The following NOL10 variants were observed in gnomAD, a reference collection of about 807,000 sequenced individuals.
The protein encoded by NOL10 is H_NH0074G24.1.
In NOL10, 58 loss-of-function variants were observed where a neutral mutation model predicts 103.5. The observed-to-expected ratio is 0.56, with a 90% confidence interval of 0.45 to 0.70. NOL10 has a LOEUF of 0.70. NOL10 is among the 30% of genes least tolerant of loss of function. NOL10 has a pLI of 0.00. For missense variants in NOL10, 763 were observed against 807.3 expected, an observed-to-expected ratio of 0.95 and a Z score of 0.67; for synonymous variants, 287 against 282.5, an observed-to-expected ratio of 1.02 and a Z score of -0.16.
At chr2:10,593,859 T>C (rs1384652167) in intron 17 of NOL10, among the ~76,000 whole-genome samples, 1 of 152,118 alleles carries the variant, frequency 6.6e-6, no homozygotes, top group Non-Finnish European at 1.5e-5. Context: ...GGAATGCTGG[T>C]AGCCAGGCCT....
chr2:10,587,058 T>TATGTATAC (rs1675066623), intron 19 of NOL10, among the ~76,000 whole-genome samples: 1 of 41,340 alleles, frequency 2.4e-5, no homozygotes, highest in East Asian at 4.6e-4. Flanking sequence ...TATATATACA[T>TATGTATAC]ATATATATAC....
intron 12 of NOL10, among the ~76,000 whole-genome samples, chr2:10,652,196 C>T (rs913534427): frequency 8.0e-5 from 12 of 150,524 alleles, no homozygotes; most frequent in African/African-American, 2.2e-4. Context: ...GCTGAGATTG[C>T]GCCACTGCAC....
chr2:10,650,295 G>C (rs1399605700), intron 12 of NOL10, among the ~76,000 whole-genome samples: 1 of 57,762 alleles, frequency 1.7e-5, no homozygotes, highest in Non-Finnish European at 6.6e-5. Flanking sequence ...AGAGTATCTG[G>C]GACTACAGGC....
intron 17 of NOL10, among the ~76,000 whole-genome samples, chr2:10,594,054 T>G (rs578154000): frequency 1.3e-5 from 2 of 152,166 alleles, no homozygotes; most frequent in Non-Finnish European, 2.9e-5. Context: ...AAAATAACTA[T>G]GGATCATGGC....
intron 17 of NOL10, among the ~76,000 whole-genome samples, chr2:10,590,108 A>C (rs1012858206): frequency 6.6e-6 from 1 of 152,134 alleles, no homozygotes. Context: ...TAGGTTTTTA[A>C]AAAGTGGCTT....
chr2:10,669,891 A>AAATAAT (rs371037850), intron 6 of NOL10, among the ~76,000 whole-genome samples: 7 of 150,092 alleles, frequency 4.7e-5, no homozygotes, highest in African/African-American at 1.2e-4. Flanking sequence ...ACTCCATCTC[A>AAATAAT]AATAATAATA....
chr2:10,644,061 C>G (rs1244737368), intron 13 of NOL10, among the ~76,000 whole-genome samples: 2 of 152,102 alleles, frequency 1.3e-5, no homozygotes, highest in Non-Finnish European at 1.5e-5. Context: ...ACCACCCCAG[C>G]CAACATGGCA....
intron 17 of NOL10, among the ~76,000 whole-genome samples, chr2:10,599,421 C>T (rs1675862119): frequency 2.0e-5 from 3 of 152,172 alleles, no homozygotes; most frequent in Admixed American, 2.0e-4. Context: ...AGTGTGAATA[C>T]TCTGAGGAGA....
chr2:10,673,586 A>G, intron 4 of NOL10, 29 bp from the exon 5 acceptor site: 1 of 1,458,596 alleles, frequency 6.9e-7, no homozygotes, highest in Admixed American at 1.9e-5. Flanking sequence ...GAAAAATACA[A>G]TTATCAAACA....
At chr2:10,683,517 G>C (rs143304756) in intron 2 of NOL10, among the ~76,000 whole-genome samples, 36 of 152,282 alleles carry the variant, frequency 2.4e-4, no homozygotes, top group African/African-American at 7.9e-4. Flanking sequence ...TGTTAGGAGA[G>C]ACAGTCCTCC....
chr2:10,684,733 A>G (rs72777344), intron 1 of NOL10, 121 bp from the exon 2 acceptor site: 15,847 of 680,464 alleles, frequency 0.023, 257 homozygotes, highest in Non-Finnish European at 0.027. Context: ...ATAACATAGG[A>G]AGCAAAAAAT....
rs1674145359 is a variant in NOL10, at chr2:10,570,888, C to A, written c.*1183G>T. On this transcript the variant is annotated 3_prime_UTR_variant, in exon 21 of 21. Transcript: ENST00000381685. Reference sequence around the variant, plus strand: ...AACTTGTGCCAAGATTAACCAACAGCCTCTACTGCTTGTTTCCCATTATTA... The same window carrying A: ...AACTTGTGCCAAGATTAACCAACAGACTCTACTGCTTGTTTCCCATTATTA... The A allele has an allele frequency of 6.6e-6, 1 of 151,094 alleles. No homozygotes were observed. Among genetic ancestry groups the A allele is most frequent in the South Asian group, 2.1e-4 (1 of 4,810 alleles). 9.4% of individuals were successfully genotyped at this position (151,094 alleles called of 1,614,324 possible).
intron 13 of NOL10, among the ~76,000 whole-genome samples, chr2:10,639,424 TCAAA>T (rs1283605900): frequency 6.6e-6 from 1 of 152,094 alleles, no homozygotes; most frequent in East Asian, 1.9e-4. Flanking sequence ...TCCATCTAAA[TCAAA>T]CAGCTTCCCA....
intron 4 of NOL10, among the ~76,000 whole-genome samples, chr2:10,674,490 T>C (rs919198131): frequency 6.6e-6 from 1 of 152,172 alleles, no homozygotes; most frequent in Admixed American, 6.5e-5. Flanking sequence ...ATTGCTCCCA[T>C]GATTACATTA....
Position 10,673,576 on chromosome 2 carries a change from GA to G in NOL10, c.290-20del. 6.6e-7 allele frequency: 1 copy of G among 1,522,150 alleles called. No individual in the cohort carries two copies. The allele number at this position is 1,522,150 out of a possible 1,614,324, so 94.3% of individuals were successfully genotyped here. ...GTGACAACTGAAAAACAAGAAATAGGAAAAATACAATTATCAAACAATATTC... is the reference window on the plus strand; with the variant it reads ...GTGACAACTGAAAAACAAGAAATAGGAAAATACAATTATCAAACAATATTC... On this transcript the variant is annotated intron_variant, in intron 4 of 20. Coordinates refer to ENST00000381685, the MANE Select transcript of NOL10 (RefSeq NM_024894.4).
intron 19 of NOL10, among the ~76,000 whole-genome samples, chr2:10,588,636 C>T (rs1187750714): frequency 3.3e-5 from 5 of 152,184 alleles, no homozygotes; most frequent in Non-Finnish European, 7.3e-5. Context: ...AACCACTGAT[C>T]TGTAGGGCAC....
At chr2:10,679,615 TC>T (rs1328674950) in intron 3 of NOL10, among the ~76,000 whole-genome samples, 24 of 143,400 alleles carry the variant, frequency 1.7e-4, no homozygotes, top group African/African-American at 5.6e-4. Context: ...TCTCTTTCTC[TC>T]TCTTTCTCTC....
intron 13 of NOL10, among the ~76,000 whole-genome samples, chr2:10,635,234 C>A (rs1678122470): frequency 6.6e-6 from 1 of 152,184 alleles, no homozygotes. Flanking sequence ...GGATTTTCCA[C>A]TTGTGGAGTC....
chr2:10,598,610 T>G (rs1675819884), intron 17 of NOL10, among the ~76,000 whole-genome samples: 1 of 151,926 alleles, frequency 6.6e-6, no homozygotes, highest in Non-Finnish European at 1.5e-5. Flanking sequence ...GGCAAAAAAC[T>G]TTACATGAAA....
Sources: gnomAD v4.1 joint callset for allele counts (sites outside exome capture counted in the v4.1 genomes callset) on GRCh38, gnomAD v4.1.1 for gene constraint, MANE v1.5 for transcripts, NCBI Gene and HGNC (gene_info 2026-07-23, HGNC 2026-07-21) for gene names.